The following MAPK4 variants were observed in gnomAD, a reference collection of about 807,000 sequenced individuals.
The protein encoded by MAPK4 is mitogen-activated protein kinase 4, also known as Erk3-related.
A neutral mutation model predicts 47.7 loss-of-function variants in MAPK4; 22 were observed. The observed-to-expected ratio is 0.46, with a 90% confidence interval of 0.33 to 0.66. MAPK4 has a LOEUF of 0.66. Ranked by LOEUF, MAPK4 falls within the 30% of genes least tolerant of loss-of-function variation. The pLI is 0.02. For synonymous variants in MAPK4, 390 were observed against 365.7 expected, an observed-to-expected ratio of 1.07 and a Z score of -0.76; for missense variants, 736 against 831.7, an observed-to-expected ratio of 0.88 and a Z score of 1.42.
chr18:50,665,081 T>C (rs1487486621), intron 2 of MAPK4, among the ~76,000 whole-genome samples: 1 of 152,232 alleles, frequency 6.6e-6, no homozygotes, highest in Non-Finnish European at 1.5e-5. Flanking sequence ...CCCGTGATGC[T>C]CTTGCTTCTC....
intron 2 of MAPK4, among the ~76,000 whole-genome samples, chr18:50,671,016 T>A (rs1030458581): frequency 2.0e-5 from 3 of 152,230 alleles, no homozygotes; most frequent in Non-Finnish European, 4.4e-5. Context: ...GCTCCTGATG[T>A]GTTTGCTGAC....
intron 3 of MAPK4, among the ~76,000 whole-genome samples, chr18:50,718,840 G>A (rs1910772623): frequency 6.6e-6 from 1 of 152,042 alleles, no homozygotes; most frequent in South Asian, 2.1e-4. Flanking sequence ...CCAGCACTTT[G>A]GGAGGCCGAG....
intron 2 of MAPK4, among the ~76,000 whole-genome samples, chr18:50,695,261 G>A (rs1047537256): frequency 2.7e-5 from 4 of 147,800 alleles, no homozygotes; most frequent in South Asian, 2.2e-4. Flanking sequence ...CAGAAGAATC[G>A]TTTGAACCCG....
At chr18:50,624,850 C>G (rs1181146480) in intron 1 of MAPK4, among the ~76,000 whole-genome samples, 1 of 151,996 alleles carries the variant, frequency 6.6e-6, no homozygotes, top group East Asian at 1.9e-4. Flanking sequence ...GCCTGGGAAG[C>G]TTTGGCTGCC....
chr18:50,595,433 GA>G (rs2042473391), intron 1 of MAPK4, among the ~76,000 whole-genome samples: 1 of 152,022 alleles, frequency 6.6e-6, no homozygotes, highest in African/African-American at 2.4e-5. Context: ...AAAAATCCAG[GA>G]AAAAAACATA....
chr18:50,716,720 G>A (rs1014661326), intron 3 of MAPK4, among the ~76,000 whole-genome samples: 23 of 151,996 alleles, frequency 1.5e-4, no homozygotes, highest in Admixed American at 6.6e-5. Context: ...TTGCAGCCCC[G>A]CCCTGTCCTC....
intron 1 of MAPK4, among the ~76,000 whole-genome samples, chr18:50,588,752 C>T (rs1033756475): frequency 2.0e-5 from 3 of 152,116 alleles, no homozygotes; most frequent in Admixed American, 6.5e-5. Context: ...GATGGGGTTT[C>T]ACCATGTTGC....
chr18:50,714,575 T>C lies in MAPK4; in HGVS notation c.547-504T>C, dbSNP rs371795406. 3.0e-3 allele frequency among the ~76,000 whole-genome samples: 461 copies of C among 152,358 alleles called. 2 individuals are homozygous for C. Among genetic ancestry groups the C allele is most frequent in the African/African-American group, 0.011 (442 of 41,586 alleles). On this transcript the variant is annotated intron_variant, in intron 2 of 5. Coordinates refer to ENST00000400384, the MANE Select transcript of MAPK4 (RefSeq NM_002747.4). ...GTCTTATCTGTTCTCAGCAAGAGCC[T>C]GGTGCCTGGCTTTGTGGCAGCATTA...
intron 1 of MAPK4, among the ~76,000 whole-genome samples, chr18:50,567,601 C>G (rs1195302197): frequency 1.3e-5 from 2 of 152,186 alleles, no homozygotes; most frequent in African/African-American, 4.8e-5. Flanking sequence ...TGAAATTTCA[C>G]CACACCATTG....
chr18:50,612,922 T>C (rs765451704), intron 1 of MAPK4, among the ~76,000 whole-genome samples: 3 of 152,202 alleles, frequency 2.0e-5, no homozygotes, highest in Non-Finnish European at 2.9e-5. Context: ...GAGTTCCTGG[T>C]GTGGAACCTT....
At chr18:50,591,528 C>A (rs1404370860) in intron 1 of MAPK4, among the ~76,000 whole-genome samples, 3 of 150,184 alleles carry the variant, frequency 2.0e-5, no homozygotes, top group Non-Finnish European at 4.4e-5. Flanking sequence ...GCATTGTTGC[C>A]AGTTTATTCA....
rs74756132 is a variant in MAPK4, at chr18:50,610,836, C to T, written c.-871+50593C>T. 4.0e-3 allele frequency among the ~76,000 whole-genome samples: 607 copies of T among 152,314 alleles called. 3 individuals are homozygous for T. Among genetic ancestry groups the T allele is most frequent in the African/African-American group, 0.014 (583 of 41,570 alleles). ...GATCAAGTTCTCCTCTCCTTCTCCC[C>T]TTTCTCCACTTGACAGTGAGCATCT... On this transcript the variant is annotated intron_variant, in intron 1 of 5. Transcript: ENST00000400384.
At chr18:50,588,622 T>A (rs1430335002) in intron 1 of MAPK4, among the ~76,000 whole-genome samples, 1 of 152,222 alleles carries the variant, frequency 6.6e-6, no homozygotes, top group Non-Finnish European at 1.5e-5. Context: ...TGGTGCTATC[T>A]CAGCTCACTG....
rs1907489719 is a variant in MAPK4 at position 50,664,510 on chromosome 18, T to C, written c.546+6T>C. ...ATCAGCATTACTCCCACAAGGTATG[T>C]CTGGCTGGAATGGCGGATACTGGTG... On this transcript the variant is annotated splice_donor_region_variant and intron_variant, in intron 2 of 5. Transcript: ENST00000400384. The surrounding 1 kb of genome is among the most constrained non-coding windows in gnomAD (Gnocchi z 6.0). 1 of 1,575,182 alleles carries C rather than the reference T, an allele frequency of 6.3e-7. No individual in the cohort carries two copies. The highest frequency in any genetic ancestry group is 1.7e-5 in the Admixed American group (1 of 57,382).
intron 2 of MAPK4, among the ~76,000 whole-genome samples, chr18:50,700,570 G>T (rs541228694): frequency 1.3e-5 from 2 of 152,266 alleles, no homozygotes; most frequent in South Asian, 4.1e-4. Context: ...GAGTGGGCAG[G>T]ACCCACCAAC....
In MAPK4 at chr18:50,729,624, G is replaced by A. The variant is rs1377257004; in HGVS notation, c.1534G>A (p.Asp512Asn). The A allele has an allele frequency of 1.4e-6, 2 of 1,393,840 alleles. No individual in the cohort carries two copies. Among genetic ancestry groups the A allele is most frequent in the Non-Finnish European group, 1.9e-6 (2 of 1,076,240 alleles). 86.3% of individuals were successfully genotyped at this position (1,393,840 alleles called of 1,614,324 possible). The change falls in exon 6 of 6, where the codon GAC (aspartate) becomes AAC (asparagine). Residue 512 changes from aspartate (D) to asparagine (N), a missense_variant. This residue lies in a region of MAPK4 where 377 missense variants were observed against 378.6 expected (regional missense o/e 1.00). Coordinates refer to ENST00000400384, the MANE Select transcript of MAPK4 (RefSeq NM_002747.4). ...GGPEHASPPA[D>N]DPERRLSASP... ...CCCAGAGCACGCCAGCCCGCCCGCC[G>A]ACGACCCCGAGCGCCGCTTGTCTGC...
chr18:50,705,092 A>T (rs1392253568), intron 2 of MAPK4: 2 of 263,046 alleles, frequency 7.6e-6, no homozygotes, highest in Non-Finnish European at 7.1e-6. Context: ...AACCGGACCC[A>T]TACCCCACAC....
At chr18:50,567,414 G>T (rs1468463112) in intron 1 of MAPK4, among the ~76,000 whole-genome samples, 1 of 152,110 alleles carries the variant, frequency 6.6e-6, no homozygotes, top group African/African-American at 2.4e-5. Flanking sequence ...ATTTCTCCCT[G>T]CTGTGTCATT....
intron 1 of MAPK4, among the ~76,000 whole-genome samples, chr18:50,600,417 G>C (rs2042525074): frequency 6.6e-6 from 1 of 152,158 alleles, no homozygotes; most frequent in African/African-American, 2.4e-5. Context: ...GCCTCAGAAG[G>C]GGCACATGGC....
Sources: gnomAD v4.1 joint callset for allele counts (sites outside exome capture counted in the v4.1 genomes callset) on GRCh38, gnomAD v4.1.1 for gene constraint, gnomAD v4.1.1 regional missense constraint, Gnocchi (gnomAD v3.1) non-coding constraint, MANE v1.5 for transcripts, NCBI Gene and HGNC (gene_info 2026-07-23, HGNC 2026-07-21) for gene names.